Variants in TRMO observed in about 807,000 individuals in gnomAD.
TRMO encodes tRNA (adenine(37)-N6)-methyltransferase.
TRMO carries 30 observed loss-of-function variants against 37.2 expected under a neutral mutation model. The ratio of observed to expected loss-of-function variants is 0.81; its 90% CI spans 0.60 to 1.09. The LOEUF (loss-of-function observed/expected upper bound fraction) is 1.09. TRMO is among the 50% of genes least tolerant of loss of function. The probability of loss-of-function intolerance (pLI) is 0.00; values close to 1 mark genes in which losing one functional copy is unlikely to be tolerated. For missense variants in TRMO, 552 were observed against 549.5 expected, an observed-to-expected ratio of 1.00 and a Z score of -0.05; for synonymous variants, 239 against 199.4, an observed-to-expected ratio of 1.20 and a Z score of -1.67.
At chr9:97,905,233 C>T (rs1825810226) in intron 4 of TRMO, among the ~76,000 whole-genome samples, 1 of 152,138 alleles carries the variant, frequency 6.6e-6, no homozygotes, top group African/African-American at 2.4e-5. Context: ...AGTATTTTTC[C>T]TTAGTCTCCT....
chr9:97,916,511 TAC>T (rs1439684946), intron 1 of TRMO, among the ~76,000 whole-genome samples, 173 bp from the exon 2 acceptor site: 11 of 152,118 alleles, frequency 7.2e-5, no homozygotes, highest in Non-Finnish European at 1.5e-4. Context: ...CATCATTACA[TAC>T]ACACACATAC....
chr9:97,897,862 T>A, the TRMO span, among the ~76,000 whole-genome samples: 4 of 152,124 alleles, frequency 2.6e-5, no homozygotes, highest in Non-Finnish European at 5.9e-5. Context: ...AAATTTTTTT[T>A]AAATTTTTTT....
At chr9:97,922,204 T>C (rs937999908) in intron 1 of TRMO, among the ~76,000 whole-genome samples, 1 of 152,122 alleles carries the variant, frequency 6.6e-6, no homozygotes, top group Non-Finnish European at 1.5e-5. Flanking sequence ...ACAGTACAAG[T>C]CTTATAACAA....
At position 97,910,295 on chromosome 9, in the gene TRMO, A is replaced by C. The variant is rs1227891692; in HGVS notation, c.731T>G (p.Phe244Cys). The part of the protein sequence containing the change: ...HSDTARIQQA[F>C]PMHREIAVDF... ...CACTGCTATCTCCCTGTGCATAGGA[A>C]ATGCTTGCTGAATTCTGGCTGTGTC... The change falls in exon 4 of 5, where the codon TTT becomes TGT. Residue 244 changes from phenylalanine to cysteine, a missense_variant. Physicochemically the swap from Phe to Cys is radical, Grantham distance 205. Coordinates refer to ENST00000375119, the MANE Select transcript of TRMO (RefSeq NM_016481.5). 1.2e-6 allele frequency: 2 copies of C among 1,614,098 alleles called. No homozygotes were observed. The highest frequency in any genetic ancestry group is 1.7e-6 in the Non-Finnish European group (2 of 1,180,054).
chr9:97,899,633 C>A (rs1041059388), downstream of TRMO, among the ~76,000 whole-genome samples: 2 of 152,026 alleles, frequency 1.3e-5, no homozygotes, highest in African/African-American at 4.8e-5. Flanking sequence ...CGCCTGTAAT[C>A]CCAGCACTTT....
chr9:97,900,983 G>GA (rs1226116968), downstream of TRMO, among the ~76,000 whole-genome samples: 11 of 152,246 alleles, frequency 7.2e-5, no homozygotes, highest in African/African-American at 2.6e-4. Flanking sequence ...TACAATTTAA[G>GA]AAAAAATTAA....
chr9:97,916,058 T>C, intron 2 of TRMO, 106 bp downstream of exon 2: 1 of 731,644 alleles, frequency 1.4e-6, no homozygotes, highest in Non-Finnish European at 2.2e-6. Context: ...AAAACAAAGA[T>C]GAGGGTGGTC....
chr9:97,904,708 A>T lies in TRMO; in HGVS notation c.*25T>A. On this transcript the variant is annotated 3_prime_UTR_variant, in exon 5 of 5. Coordinates refer to ENST00000375119, the MANE Select transcript of TRMO (RefSeq NM_016481.5). Reference sequence around the variant, plus strand: ...GCCACATCCAAAGATCAATGATGCTACCTTAAAGACATGAGGGAGGCTCCT... The same window carrying T: ...GCCACATCCAAAGATCAATGATGCTTCCTTAAAGACATGAGGGAGGCTCCT... 1 of 1,611,404 alleles carries T rather than the reference A, an allele frequency of 6.2e-7. No homozygotes were observed. Among genetic ancestry groups the T allele is most frequent in the African/African-American group, 1.3e-5 (1 of 74,884 alleles).
intron 2 of TRMO, among the ~76,000 whole-genome samples, chr9:97,915,474 G>C (rs10984349): frequency 0.18 from 28,145 of 152,158 alleles, 3,273 homozygotes; most frequent in Non-Finnish European, 0.26. Context: ...ACAAAAATGG[G>C]CCATAGTTTA....
Position 97,910,504 on chromosome 9 carries a change from T to C in TRMO, c.522A>G (p.Ala174=). 1 of 1,614,212 alleles carries C rather than the reference T, an allele frequency of 6.2e-7. No individual in the cohort carries two copies. Among genetic ancestry groups the C allele is most frequent in the Non-Finnish European group, 8.5e-7 (1 of 1,180,034 alleles). The change falls in exon 4 of 5, where the codon GCA becomes GCG. Residue 174 remains alanine, a synonymous_variant. Coordinates refer to ENST00000375119, the MANE Select transcript of TRMO (RefSeq NM_016481.5). ...GTTGGTTATTCTGTAAATTAAAGTC[T>C]GCTAAAGGCTCCATCACATTTTGCG... The part of the protein sequence containing the change: ...DSPQNVMEPL[A]DFNLQNNQHT...
downstream of TRMO, among the ~76,000 whole-genome samples, chr9:97,903,596 C>A (rs1274168867): frequency 1.3e-5 from 2 of 152,202 alleles, no homozygotes; most frequent in African/African-American, 4.8e-5. Flanking sequence ...GCAATACATT[C>A]TTACAACTGT....
At chr9:97,920,670 G>T (rs1226773197) in intron 1 of TRMO, among the ~76,000 whole-genome samples, 3 of 152,174 alleles carry the variant, frequency 2.0e-5, no homozygotes, top group African/African-American at 4.8e-5. Context: ...TCAATGTGGG[G>T]TTTTTTGTGT....
intron 1 of TRMO, among the ~76,000 whole-genome samples, chr9:97,916,861 A>C (rs1587840920): frequency 1.4e-5 from 2 of 144,680 alleles, no homozygotes. Context: ...GCCCACCACC[A>C]CGCTCAACTT....
intron 1 of TRMO, among the ~76,000 whole-genome samples, chr9:97,919,452 GA>G (rs1826524619): frequency 2.6e-5 from 2 of 75,872 alleles, no homozygotes; most frequent in African/African-American, 7.1e-5. Flanking sequence ...AGAAAGGAAA[GA>G]AAAGAAAAGA....
At chr9:97,899,935 G>A (rs760579699), downstream of TRMO, among the ~76,000 whole-genome samples, 6 of 151,998 alleles carry the variant, frequency 3.9e-5, 1 homozygote, top group Admixed American at 3.9e-4. Flanking sequence ...TGGGCATGGT[G>A]GCAAACAGTT....
intron 1 of TRMO, among the ~76,000 whole-genome samples, chr9:97,921,598 T>C (rs974236353): frequency 6.6e-6 from 1 of 151,928 alleles, no homozygotes; most frequent in African/African-American, 2.4e-5. Context: ...GATTTTTTTG[T>C]ATTTTTTAGT....
At chr9:97,907,236 C>G (rs1276886555) in intron 4 of TRMO, among the ~76,000 whole-genome samples, 8 of 152,188 alleles carry the variant, frequency 5.3e-5, no homozygotes, top group Admixed American at 5.2e-4. Context: ...CATGTTGGGG[C>G]TAAAACCAGT....
At chr9:97,903,482 A>G (rs1302285932), downstream of TRMO, among the ~76,000 whole-genome samples, 1 of 152,192 alleles carries the variant, frequency 6.6e-6, no homozygotes, top group Non-Finnish European at 1.5e-5. Flanking sequence ...AAGATTTACA[A>G]TCATGATTAG....
chr9:97,911,287 C>T (rs1826113576), intron 3 of TRMO: 4 of 161,026 alleles, frequency 2.5e-5, no homozygotes, highest in Admixed American at 1.9e-4. Flanking sequence ...AGAGACTCTC[C>T]TTGAAGGCTT....
Sources: allele counts gnomAD v4.1 joint callset (sites outside exome capture counted in the v4.1 genomes callset), GRCh38; gene constraint gnomAD v4.1.1; transcripts MANE v1.5; gene names NCBI Gene and HGNC (gene_info 2026-07-23, HGNC 2026-07-21).